OOEP: variants seen among roughly 807,000 people sequenced by gnomAD.
OOEP encodes oocyte-expressed protein homolog.
OOEP carries 16 observed loss-of-function variants against 13.7 expected under a neutral mutation model. That is an observed-to-expected ratio of 1.16 (90% confidence interval 0.79 to 1.77). OOEP has a LOEUF of 1.77. OOEP is among the 40% of genes most tolerant of loss of function. The pLI, the probability that OOEP is intolerant of heterozygous loss-of-function variation, is 0.00. For missense variants in OOEP, 195 were observed against 193.1 expected, an observed-to-expected ratio of 1.01 and a Z score of -0.06; for synonymous variants, 89 against 77.1, an observed-to-expected ratio of 1.15 and a Z score of -0.81.
intron 2 of OOEP, among the ~76,000 whole-genome samples, chr6:73,387,988 G>A (rs1769298166): frequency 1.3e-5 from 2 of 152,140 alleles, no homozygotes; most frequent in African/African-American, 4.8e-5. Context: ...TCATGCCTCA[G>A]TGCCTCAGCC....
At chr6:73,369,927 C>T (rs891470932), upstream of OOEP, 11 of 730,426 alleles carry the variant, frequency 1.5e-5, no homozygotes, top group African/African-American at 1.6e-4. Context: ...CGCACCGCGT[C>T]GGGGTGAGCG....
chr6:73,369,982 T>G (rs979542620), upstream of OOEP: 3 of 589,072 alleles, frequency 5.1e-6, no homozygotes, highest in East Asian at 8.4e-5. Context: ...GGACACTTCC[T>G]GCGCTGCTTC....
chr6:73,392,759 G>A (rs1463134215), intron 2 of OOEP, among the ~76,000 whole-genome samples: 2 of 146,096 alleles, frequency 1.4e-5, no homozygotes, highest in Non-Finnish European at 3.0e-5. Context: ...AGCCTCCCAA[G>A]TAGCTGGGAC....
chr6:73,395,003 A>C, exon 1 of OOEP: 1 of 1,614,210 alleles, frequency 6.2e-7, no homozygotes, highest in Non-Finnish European at 8.5e-7. Flanking sequence ...AGGCCGGCGG[A>C]GGAGTTGAAT....
upstream of OOEP, chr6:73,373,272 G>A (rs1339713467): frequency 6.2e-7 from 1 of 1,601,298 alleles, no homozygotes; most frequent in Non-Finnish European, 8.6e-7. Context: ...ATGGCGAGCA[G>A]CGGAGTCAAG....
chr6:73,368,597 G>A lies in OOEP; in HGVS notation c.*187C>T, dbSNP rs563979048. The A allele has an allele frequency of 5.9e-5, 32 of 546,878 alleles. No individual in the cohort carries two copies. In the East Asian group the frequency reaches 9.0e-4, roughly 15 times the overall value. The allele number at this position is 546,878 out of a possible 1,614,324, so 33.9% of individuals were successfully genotyped here. A position where few individuals can be genotyped will look rare whatever the true frequency, so the allele number is the denominator to read the frequency against. ...ATTATAAGTGTGTGAAGATCTTAAT[G>A]CTTTTGGCAAAATAGCCATTTCTTT... On this transcript the variant is annotated 3_prime_UTR_variant, in exon 3 of 3. Transcript: ENST00000370359.
chr6:73,378,176 C>T (rs1274835808), intron 2 of OOEP, among the ~76,000 whole-genome samples: 3 of 151,756 alleles, frequency 2.0e-5, no homozygotes, highest in South Asian at 2.1e-4. Context: ...GATCTTGGCT[C>T]ACCACAACCT....
chr6:73,369,864 C>A lies in OOEP; in HGVS notation c.-72G>T. On this transcript the variant is annotated 5_prime_UTR_variant, in exon 1 of 3. Coordinates refer to ENST00000370359, the MANE Select transcript of OOEP (RefSeq NM_001080507.3). ...ACCTCTTCCAGACCCAGGCGCGAAG[C>A]TCGGGCTCTCTTTTACCATATTCGA... is the stretch of plus-strand genomic sequence containing the variant. The A allele has an allele frequency of 7.1e-7, 1 of 1,411,226 alleles. No homozygotes were observed. The allele number at this position is 1,411,226 out of a possible 1,614,324, so 87.4% of individuals were successfully genotyped here.
upstream of OOEP, chr6:73,373,388 G>T: frequency 1.1e-6 from 1 of 951,548 alleles, no homozygotes; most frequent in Non-Finnish European, 1.7e-6. Flanking sequence ...GCAGTGGCAC[G>T]ATCTCAGCTC....
upstream of OOEP, chr6:73,373,070 G>C: frequency 6.6e-7 from 1 of 1,512,946 alleles, no homozygotes; most frequent in Non-Finnish European, 9.2e-7. Context: ...GTGACCTTCA[G>C]ACAGCATAAA....
chr6:73,368,749 AAAGTT>A lies in OOEP; in HGVS notation c.*30_*34del. On this transcript the variant is annotated 3_prime_UTR_variant, in exon 3 of 3. Transcript: ENST00000370359. ...CTTCAACTTTAGCAGCAAAAGTTAG[AAAGTT>A]AAGATGTTCCCAACAGTAACTATGT... 1 of 1,434,940 alleles carries A rather than the reference AAAGTT, an allele frequency of 7.0e-7. No individual in the cohort carries two copies. Among genetic ancestry groups the A allele is most frequent in the Non-Finnish European group, 9.8e-7 (1 of 1,017,298 alleles). The allele number at this position is 1,434,940 out of a possible 1,614,324, so 88.9% of individuals were successfully genotyped here.
upstream of OOEP, among the ~76,000 whole-genome samples, chr6:73,372,025 T>G (rs1769065982): frequency 6.6e-6 from 1 of 152,122 alleles, no homozygotes; most frequent in Admixed American, 6.5e-5. Flanking sequence ...AGCAGATCGC[T>G]TAAGCCAAGG....
intron 2 of OOEP, 89 bp from the exon 3 acceptor site, chr6:73,368,952 G>T (rs890576338): frequency 2.5e-5 from 27 of 1,060,034 alleles, no homozygotes; most frequent in South Asian, 1.2e-4. Context: ...GGGGAGGAGA[G>T]AAAGATCTGC....
At chr6:73,385,969 C>G (rs952411295) in intron 2 of OOEP, among the ~76,000 whole-genome samples, 4 of 152,104 alleles carry the variant, frequency 2.6e-5, no homozygotes, top group African/African-American at 9.7e-5. Flanking sequence ...CCTGAAAGAT[C>G]AGGAAGAGGG....
chr6:73,369,459 C>T, intron 1 of OOEP, 74 bp from the exon 2 acceptor site: 1 of 1,530,536 alleles, frequency 6.5e-7, no homozygotes, highest in Non-Finnish European at 8.9e-7. Context: ...GGAATGTTGG[C>T]CAGGGAAGGG....
In OOEP at chr6:73,368,767, A is replaced by G. The variant is rs760399737; in HGVS notation, c.*17T>C. ...AAGTTAGAAAGTTAAGATGTTCCCA[A>G]CAGTAACTATGTTGTCTTAAGCAAC... On this transcript the variant is annotated 3_prime_UTR_variant, in exon 3 of 3. Transcript: ENST00000370359. The G allele has an allele frequency of 6.4e-7, 1 of 1,560,552 alleles. No individual in the cohort carries two copies. The highest frequency in any genetic ancestry group is 1.1e-5 in the South Asian group (1 of 89,974).
rs1007852418 is a variant in OOEP at position 73,377,427 on chromosome 6, C to G, written c.26-8042G>C. On this transcript the variant is annotated intron_variant, in intron 2 of 3. Coordinates refer to the OOEP transcript ENST00000370363. ...GGAGTAGATAAACAACCTGCTCATGCATGCAAGTCACCACACCTCGAACTT... is the reference window on the plus strand; with the variant it reads ...GGAGTAGATAAACAACCTGCTCATGGATGCAAGTCACCACACCTCGAACTT... 8.1e-4 allele frequency among the ~76,000 whole-genome samples: 14 copies of G among 17,352 alleles called. No homozygotes were observed. In the Admixed American group the frequency reaches 0.017, roughly 21 times the overall value. 11.4% of individuals were successfully genotyped at this position (17,352 alleles called of 152,430 possible).
At chr6:73,373,430 C>T (rs1769091909), upstream of OOEP, among the ~76,000 whole-genome samples, 1 of 152,152 alleles carries the variant, frequency 6.6e-6, no homozygotes, top group Non-Finnish European at 1.5e-5. Context: ...CATGCCATCA[C>T]ACCCACTGTA....
exon 1 of OOEP, chr6:73,394,731 G>A: frequency 2.2e-6 from 2 of 901,146 alleles, no homozygotes; most frequent in Non-Finnish European, 3.3e-6. Context: ...GCCAATGGCT[G>A]CGTGAAATCA....
Sources: gnomAD v4.1 joint callset for allele counts (sites outside exome capture counted in the v4.1 genomes callset) on GRCh38, gnomAD v4.1.1 for gene constraint, MANE v1.5 for transcripts, NCBI Gene and HGNC (gene_info 2026-07-23, HGNC 2026-07-21) for gene names.